Variants in AFF1 observed in about 807,000 individuals in gnomAD.
AFF1 encodes AF4/FMR2 family member 1.
AFF1 carries 48 observed loss-of-function variants against 121.7 expected under a neutral mutation model. The observed-to-expected ratio is 0.39, with a 90% CI of 0.31 to 0.50. The LOEUF is 0.50. AFF1 is among the 20% of genes least tolerant of loss of function. The pLI, the probability that AFF1 is intolerant of heterozygous loss-of-function variation, is 0.76. For synonymous variants in AFF1, 613 were observed against 563.0 expected (o/e 1.09, Z -1.26); for missense variants, 1,523 against 1,511.7 (o/e 1.01, Z -0.12).
chr4:86,973,511 A>C (rs1173483426), intron 2 of AFF1, among the ~76,000 whole-genome samples: 1 of 152,176 alleles, frequency 6.6e-6, no homozygotes, highest in African/African-American at 2.4e-5. Context: ...GGAAGTATGT[A>C]GGTTATGGTA....
chr4:86,943,827 T>G (rs1720643251), intron 1 of AFF1, among the ~76,000 whole-genome samples: 1 of 151,998 alleles, frequency 6.6e-6, no homozygotes, highest in African/African-American at 2.4e-5. Context: ...CCAGGCGTGG[T>G]GGTGCATGCC....
rs540264070 is a variant in AFF1 at position 86,990,169 on chromosome 4, A to T, written c.38+41598A>T. The stretch of plus-strand genomic sequence containing the variant: ...CCATGTATTCCAGAACTTAAATTAT[A>T]ATAATAATAATAATAATAATAGACT... On this transcript the variant is annotated intron_variant, in intron 2 of 20. Coordinates refer to ENST00000395146, the MANE Select transcript of AFF1 (RefSeq NM_001166693.3). Among the ~76,000 whole-genome samples the T allele has an allele frequency of 1.1e-3, 21 of 19,368 alleles. No individual in the cohort carries two copies. In the Admixed American group the frequency reaches 0.013, roughly 12 times the overall value. The allele number at this position is 19,368 out of a possible 152,430, so 12.7% of individuals were successfully genotyped here. A position where few individuals can be genotyped will look rare whatever the true frequency, so the allele number is the denominator to read the frequency against.
intron 4 of AFF1, among the ~76,000 whole-genome samples, chr4:87,083,912 A>C (rs1005256040): frequency 6.6e-6 from 1 of 152,134 alleles, no homozygotes; most frequent in Non-Finnish European, 1.5e-5. Context: ...ACAGGCATGC[A>C]CCACCATGCA....
At chr4:87,084,987 A>G (rs1035420345) in intron 5 of AFF1, among the ~76,000 whole-genome samples, 2 of 152,220 alleles carry the variant, frequency 1.3e-5, no homozygotes, top group African/African-American at 4.8e-5. Context: ...GAGACGATGA[A>G]ATTTTAAAGG....
At position 87,060,835 on chromosome 4, in the gene AFF1, C is replaced by CAAAAAAAAA. The variant is rs749186199; in HGVS notation, c.1059+13265_1059+13273dup. 2.5e-3 allele frequency among the ~76,000 whole-genome samples: 153 copies of CAAAAAAAAA among 62,050 alleles called. 1 individual carries two copies. Among genetic ancestry groups the CAAAAAAAAA allele is most frequent in the Non-Finnish European group, 3.6e-3 (111 of 31,156 alleles). 40.7% of individuals were successfully genotyped at this position (62,050 alleles called of 152,430 possible). ...GCCTGGCGAGAGTGAGACTCTGTCT[C>CAAAAAAAAA]AAAAAAAAAAAAAAAAAAAAAAAAA... On this transcript the variant is annotated intron_variant, in intron 4 of 20. Transcript: ENST00000395146.
At chr4:87,125,357 A>C (rs1489759483) in intron 13 of AFF1, 44 of 369,282 alleles carry the variant, frequency 1.2e-4, no homozygotes, top group South Asian at 1.3e-4. Flanking sequence ...ATTTATCAGA[A>C]ACATTTTCAC....
At chr4:86,961,260 G>A (rs1722123476) in intron 2 of AFF1, among the ~76,000 whole-genome samples, 1 of 152,082 alleles carries the variant, frequency 6.6e-6, no homozygotes, top group Admixed American at 6.6e-5. Context: ...TCCCTATGAG[G>A]TTATGTTTTA....
chr4:87,056,721 AG>A (rs1160704589), intron 4 of AFF1, among the ~76,000 whole-genome samples: 2 of 152,252 alleles, frequency 1.3e-5, no homozygotes, highest in African/African-American at 4.8e-5. Context: ...AGAAAGACAC[AG>A]GCACAGTAAA....
intron 17 of AFF1, 51 bp downstream of exon 17, chr4:87,131,270 C>T: frequency 6.2e-7 from 1 of 1,602,064 alleles, no homozygotes; most frequent in African/African-American, 1.3e-5. Context: ...CTTTCCTCAC[C>T]TTTATTGTTT....
intron 13 of AFF1, among the ~76,000 whole-genome samples, chr4:87,125,604 G>A (rs1728155387): frequency 6.6e-6 from 1 of 152,178 alleles, no homozygotes; most frequent in African/African-American, 2.4e-5. Flanking sequence ...GTCTGTTGTT[G>A]GGAAGAGGGG....
intron 2 of AFF1, among the ~76,000 whole-genome samples, chr4:86,959,052 C>T (rs991110253): frequency 6.6e-6 from 1 of 152,094 alleles, no homozygotes; most frequent in Non-Finnish European, 1.5e-5. Context: ...TGAGTAGAGG[C>T]CAGGGATGTT....
chr4:87,061,766 T>C (rs1279213755), intron 4 of AFF1, among the ~76,000 whole-genome samples: 1 of 152,140 alleles, frequency 6.6e-6, no homozygotes, highest in Non-Finnish European at 1.5e-5. Flanking sequence ...TATTCCTCAC[T>C]TTGAGCAGAC....
At chr4:87,113,216 C>T (rs1726734084) in intron 11 of AFF1, among the ~76,000 whole-genome samples, 2 of 152,076 alleles carry the variant, frequency 1.3e-5, no homozygotes, top group African/African-American at 4.8e-5. Context: ...TGACGGTATG[C>T]CTCCCTTTGT....
intron 8 of AFF1, among the ~76,000 whole-genome samples, chr4:87,095,763 A>T (rs1380212113): frequency 1.3e-5 from 2 of 151,918 alleles, no homozygotes; most frequent in African/African-American, 4.8e-5. Flanking sequence ...TTAAATTGGC[A>T]TTTTGACCCA....
chr4:87,052,872 C>T (rs533523039), intron 4 of AFF1, among the ~76,000 whole-genome samples: 5 of 151,304 alleles, frequency 3.3e-5, no homozygotes, highest in African/African-American at 9.8e-5. Context: ...TGAGGGGAGG[C>T]GAGGCATCAA....
Position 87,081,197 on chromosome 4 carries a change from G to T in AFF1, c.1060-2923G>T, listed in dbSNP as rs374345642. Among the ~76,000 whole-genome samples, 27 of 114,254 alleles carry T rather than the reference G, an allele frequency of 2.4e-4. No homozygotes were observed. The East Asian group carries it at 6.7e-3, about 28-fold the overall frequency. 75.0% of individuals were successfully genotyped at this position (114,254 alleles called of 152,430 possible). Reference sequence around the variant, plus strand: ...TTTTTTTTGAGACAGAGTCTCACTCGGTCTCCCAGGCTGGACTACAGTGGC... The same window carrying T: ...TTTTTTTTGAGACAGAGTCTCACTCTGTCTCCCAGGCTGGACTACAGTGGC... On this transcript the variant is annotated intron_variant, in intron 4 of 20. Transcript: ENST00000395146.
chr4:87,021,513 T>A (rs1727895193), intron 2 of AFF1, among the ~76,000 whole-genome samples: 1 of 152,364 alleles, frequency 6.6e-6, no homozygotes, highest in Non-Finnish European at 1.5e-5. Context: ...GAAGCAGTGT[T>A]TCACAGTATC....
At chr4:87,119,829 G>A (rs1359372788) in intron 12 of AFF1, among the ~76,000 whole-genome samples, 1 of 152,188 alleles carries the variant, frequency 6.6e-6, no homozygotes, top group Non-Finnish European at 1.5e-5. Context: ...AGACATTCCA[G>A]TGCTATCATT....
chr4:86,980,122 A>G (rs530417217), intron 2 of AFF1, among the ~76,000 whole-genome samples: 1 of 151,984 alleles, frequency 6.6e-6, no homozygotes, highest in African/African-American at 2.4e-5. Context: ...TGTTGGCCAG[A>G]CTGGTCTTGA....
Sources: gnomAD v4.1 joint callset for allele counts (sites outside exome capture counted in the v4.1 genomes callset) on GRCh38, gnomAD v4.1.1 for gene constraint, MANE v1.5 for transcripts, NCBI Gene and HGNC (gene_info 2026-07-23, HGNC 2026-07-21) for gene names.